AVL9: variants seen among roughly 807,000 people sequenced by gnomAD.
AVL9 encodes late secretory pathway protein AVL9 homolog.
A neutral mutation model predicts 79.2 loss-of-function variants in AVL9; 49 were observed. That is an observed-to-expected ratio of 0.62 (90% CI 0.49 to 0.79). AVL9 has a LOEUF of 0.79. AVL9 is among the 30% of genes least tolerant of loss of function. The probability of loss-of-function intolerance (pLI) is 0.00; values close to 1 mark genes in which losing one functional copy is unlikely to be tolerated. For missense variants in AVL9, 682 were observed against 776.8 expected (o/e 0.88, Z 1.45); for synonymous variants, 299 against 280.6 (o/e 1.07, Z -0.65).
At chr7:32,505,080 G>A (rs1449194420) in intron 1 of AVL9, among the ~76,000 whole-genome samples, 2 of 151,444 alleles carry the variant, frequency 1.3e-5, no homozygotes, top group African/African-American at 2.4e-5. Flanking sequence ...CACCATGTTG[G>A]CCAGGCTGGT....
intron 1 of AVL9, chr7:32,534,284 A>C (rs1334718677): frequency 6.6e-6 from 1 of 152,210 alleles, no homozygotes. Context: ...AATATTGGTT[A>C]CATACAAAGT....
intron 9 of AVL9, 56 bp downstream of exon 9, chr7:32,558,684 A>G: frequency 7.2e-7 from 1 of 1,394,082 alleles, no homozygotes; most frequent in Non-Finnish European, 9.9e-7. Context: ...TGGAACCTAA[A>G]CTTTTAGAAA....
At position 32,585,373 on chromosome 7, in the gene AVL9, T is replaced by G. The variant is rs894593175; in HGVS notation, c.*1466T>G. 3.3e-5 allele frequency: 5 copies of G among 152,366 alleles called. No homozygotes were observed. Among genetic ancestry groups the G allele is most frequent in the African/African-American group, 1.2e-4 (5 of 41,584 alleles). The allele number at this position is 152,366 out of a possible 1,614,324, so 9.4% of individuals were successfully genotyped here. On this transcript the variant is annotated 3_prime_UTR_variant, in exon 16 of 16. Transcript: ENST00000318709. ...GTTTCATGTTAGGCACATACATGCA[T>G]GTGTGTGCCATCTACTGATGATTTG...
chr7:32,511,887 A>G (rs1787689346), intron 1 of AVL9, among the ~76,000 whole-genome samples: 1 of 152,188 alleles, frequency 6.6e-6, no homozygotes, highest in Non-Finnish European at 1.5e-5. Context: ...TCATTTTTCC[A>G]AATGAGTGCT....
In AVL9 at chr7:32,580,792, T is replaced by G; in HGVS notation, c.1743-10T>G. The G allele has an allele frequency of 6.2e-7, 1 of 1,608,534 alleles. No homozygotes were observed. The highest frequency in any genetic ancestry group is 8.5e-7 in the Non-Finnish European group (1 of 1,175,676). ...TACCTAACACTTCTTTTATCTTATC[T>G]TTTACCCAGTTCTGTTCAGAATAGT... On this transcript the variant is annotated splice_polypyrimidine_tract_variant and intron_variant, in intron 14 of 15. Coordinates refer to ENST00000318709, the MANE Select transcript of AVL9 (RefSeq NM_015060.3).
rs140034064 is a variant in AVL9, at chr7:32,498,084, C to T, written c.93+2282C>T. On this transcript the variant is annotated intron_variant, in intron 1 of 15. Coordinates refer to ENST00000318709, the MANE Select transcript of AVL9 (RefSeq NM_015060.3). ...TTAAAAGTGATGCCTTTCAGCAGTC[C>T]GCTTGGTTAAGCATGATAACTTTGT... Among the ~76,000 whole-genome samples the T allele has an allele frequency of 4.4e-3, 666 of 152,266 alleles. 2 individuals carry two copies. The highest frequency in any genetic ancestry group is 5.4e-3 in the Non-Finnish European group (370 of 68,018).
At chr7:32,524,582 T>C (rs1788320954) in intron 1 of AVL9, among the ~76,000 whole-genome samples, 1 of 151,226 alleles carries the variant, frequency 6.6e-6, no homozygotes, top group African/African-American at 2.4e-5. Flanking sequence ...ATGGGTATTA[T>C]ATCTAACTGA....
rs533465683 is a variant in AVL9, at chr7:32,555,125, G to A, written c.609+529G>A. 2.2e-4 allele frequency among the ~76,000 whole-genome samples: 33 copies of A among 152,236 alleles called. 1 individual carries two copies. The South Asian group carries it at 5.8e-3, about 27-fold the overall frequency. ...AGGCTGAAGCAGGAGGATCACTTGC[G>A]CTCAGGAGTTTGAGACCAGCCTGGG... On this transcript the variant is annotated intron_variant, in intron 8 of 15. Transcript: ENST00000318709.
intron 3 of AVL9, 98 bp from the exon 4 acceptor site, chr7:32,548,749 G>T: frequency 1.2e-6 from 1 of 825,682 alleles, no homozygotes; most frequent in South Asian, 2.1e-5. Flanking sequence ...CTGAATGTAA[G>T]AAATTTCTTA....
intron 11 of AVL9, 79 bp from the exon 12 acceptor site, chr7:32,573,120 C>T (rs1790932797): frequency 1.5e-5 from 17 of 1,100,614 alleles, no homozygotes; most frequent in Non-Finnish European, 2.2e-5. Context: ...CTCCACCTTC[C>T]CCGTAGTTAC....
At chr7:32,537,681 G>A (rs1788979114) in intron 1 of AVL9, 1 of 152,192 alleles carries the variant, frequency 6.6e-6, no homozygotes, top group African/African-American at 2.4e-5. Context: ...GGCCAGGATG[G>A]TCTTGATCTC....
chr7:32,495,582 TC>T lies in AVL9; in HGVS notation c.-125del. The T allele has an allele frequency of 2.0e-6, 1 of 506,628 alleles. No homozygotes were observed. Among genetic ancestry groups the T allele is most frequent in the Non-Finnish European group, 3.2e-6 (1 of 313,524 alleles). 31.4% of individuals were successfully genotyped at this position (506,628 alleles called of 1,614,324 possible). A position where few individuals can be genotyped will look rare whatever the true frequency, so the allele number is the denominator to read the frequency against. The stretch of plus-strand genomic sequence containing the variant: ...GGGAGCTGCTTTGCCTCCACCGATC[TC>T]CCTGTGCGGCCCTCATGTGCTGTGC... On this transcript the variant is annotated 5_prime_UTR_variant, in exon 1 of 16. The change abolishes the stop of an existing upstream ORF in the 5' untranslated region. Transcript: ENST00000318709.
chr7:32,548,146 T>C (rs868598465), intron 3 of AVL9, among the ~76,000 whole-genome samples: 46 of 77,524 alleles, frequency 5.9e-4, no homozygotes, highest in African/African-American at 1.7e-3. Context: ...TGTCATCTCT[T>C]TTTTCTTTTT....
intron 10 of AVL9, among the ~76,000 whole-genome samples, chr7:32,567,282 G>T (rs115263138): frequency 0.023 from 3,505 of 151,998 alleles, 144 homozygotes; most frequent in African/African-American, 0.079. Context: ...TTGTATTATT[G>T]GTAGAAATGG....
At chr7:32,567,500 A>T (rs576523277) in intron 10 of AVL9, among the ~76,000 whole-genome samples, 1 of 152,296 alleles carries the variant, frequency 6.6e-6, no homozygotes, top group South Asian at 2.1e-4. Flanking sequence ...ATTTCAAAGC[A>T]TCGCTAATAA....
chr7:32,561,331 C>G (rs1227501197), intron 10 of AVL9, among the ~76,000 whole-genome samples: 1 of 152,260 alleles, frequency 6.6e-6, no homozygotes, highest in East Asian at 1.9e-4. Context: ...ATGACCTTAG[C>G]TAGATCTTCT....
At chr7:32,570,430 A>T (rs1790777877) in intron 11 of AVL9, among the ~76,000 whole-genome samples, 1 of 152,180 alleles carries the variant, frequency 6.6e-6, no homozygotes, top group Non-Finnish European at 1.5e-5. Context: ...CAGGTAAACC[A>T]GGATTCCAAC....
chr7:32,582,860 T>G (rs1033347316), intron 15 of AVL9, among the ~76,000 whole-genome samples: 4 of 152,158 alleles, frequency 2.6e-5, no homozygotes, highest in Admixed American at 1.3e-4. Context: ...AATTTTTCTA[T>G]TTTTTGTAGA....
chr7:32,558,650 C>T, intron 9 of AVL9, 22 bp downstream of exon 9: 1 of 1,570,202 alleles, frequency 6.4e-7, no homozygotes, highest in African/African-American at 1.4e-5. Flanking sequence ...GCAGTATCTA[C>T]TCTTTCTTTT....
Sources: allele counts gnomAD v4.1 joint callset (sites outside exome capture counted in the v4.1 genomes callset), GRCh38; gene constraint gnomAD v4.1.1; transcripts MANE v1.5; gene names NCBI Gene and HGNC (gene_info 2026-07-23, HGNC 2026-07-21).